ZBED4: variants seen among roughly 807,000 people sequenced by gnomAD.
The protein encoded by ZBED4 is zinc finger BED domain-containing protein 4.
ZBED4 carries 4 observed loss-of-function variants against 15.5 expected under a neutral mutation model. That is an observed-to-expected ratio of 0.26 (90% confidence interval 0.13 to 0.59). The LOEUF (loss-of-function observed/expected upper bound fraction) is 0.59, where lower values mean the gene tolerates loss of function less well. Among genes scored for constraint, ZBED4 ranks in the 20% least tolerant of loss-of-function variants. The pLI, the probability that ZBED4 is intolerant of heterozygous loss-of-function variation, is 0.90. For missense variants in ZBED4, 1,323 were observed against 1,461.8 expected, an observed-to-expected ratio of 0.91 and a Z score of 1.55; for synonymous variants, 692 against 608.5, an observed-to-expected ratio of 1.14 and a Z score of -2.02.
intron 1 of ZBED4, among the ~76,000 whole-genome samples, chr22:49,873,426 G>C (rs1367806132): frequency 6.6e-6 from 1 of 152,198 alleles, no homozygotes; most frequent in Non-Finnish European, 1.5e-5. Context: ...TTCACTGTCT[G>C]ACATGGGTGT....
intron 1 of ZBED4, among the ~76,000 whole-genome samples, chr22:49,877,830 G>C (rs148702304): frequency 2.0e-5 from 3 of 152,078 alleles, no homozygotes; most frequent in Non-Finnish European, 4.4e-5. Flanking sequence ...CCTCCCGCCA[G>C]CACAGACCTG....
In ZBED4 at chr22:49,888,198, G is replaced by C. The variant is rs949920938; in HGVS notation, c.*1020G>C. ...TTTCAAATCCCAAGGACATCAGAGT[G>C]AAGTGTCAGTTGTCAGATGATTTTA... On this transcript the variant is annotated 3_prime_UTR_variant, in exon 2 of 2. Coordinates refer to ENST00000216268, the MANE Select transcript of ZBED4 (RefSeq NM_014838.3). The C allele has an allele frequency of 6.0e-6, 1 of 167,172 alleles. No homozygotes were observed. Among genetic ancestry groups the C allele is most frequent in the African/African-American group, 2.4e-5 (1 of 41,454 alleles). 10.4% of individuals were successfully genotyped at this position (167,172 alleles called of 1,614,324 possible). A position where few individuals can be genotyped will look rare whatever the true frequency, so the allele number is the denominator to read the frequency against.
At chr22:49,861,959 CCT>C (rs1167916711) in intron 1 of ZBED4, among the ~76,000 whole-genome samples, 1 of 152,098 alleles carries the variant, frequency 6.6e-6, no homozygotes, top group Non-Finnish European at 1.5e-5. Flanking sequence ...CCCGCACAGG[CCT>C]GCACCCTGTC....
At chr22:49,867,861 C>T (rs755001636) in intron 1 of ZBED4, among the ~76,000 whole-genome samples, 1 of 152,242 alleles carries the variant, frequency 6.6e-6, no homozygotes. Flanking sequence ...AGTCCAGCCC[C>T]CCTCAAATGT....
intron 1 of ZBED4, among the ~76,000 whole-genome samples, chr22:49,864,950 C>CCGCCG (rs1555922816): frequency 1.3e-5 from 1 of 74,736 alleles, no homozygotes; most frequent in African/African-American, 1.7e-4. Context: ...CCCCCCCCCC[C>CCGCCG]CCGTGAAGTC....
At chr22:49,882,309 T>C (rs1393517207) in intron 1 of ZBED4, among the ~76,000 whole-genome samples, 1 of 152,202 alleles carries the variant, frequency 6.6e-6, no homozygotes, top group African/African-American at 2.4e-5. Context: ...TCCAGCACTT[T>C]GGGAGGCTGA....
chr22:49,856,422 C>T (rs1179564265), intron 1 of ZBED4, among the ~76,000 whole-genome samples: 1 of 152,212 alleles, frequency 6.6e-6, no homozygotes, highest in Admixed American at 6.5e-5. Flanking sequence ...CTCCGGAGAC[C>T]TCATAGGGAG....
In ZBED4 at chr22:49,886,402, G is replaced by A. The variant is rs55681922; in HGVS notation, c.2740G>A (p.Val914Ile). The A allele has an allele frequency of 1.0e-4, 160 of 1,605,506 alleles. No homozygotes were observed. Among genetic ancestry groups the A allele is most frequent in the Admixed American group, 3.7e-4 (22 of 59,406 alleles). The change falls in exon 2 of 2, where the codon GTC (valine) becomes ATC (isoleucine). Residue 914 changes from valine (V) to isoleucine (I), a missense_variant. Physicochemically the swap from Val to Ile is conservative, Grantham distance 29. Transcript: ENST00000216268. This position sits in a 1 kb window ranked among gnomAD's most constrained non-coding sequence, Gnocchi z 7.7. ...EQKRAINEMSVECNFRELISC... is the reference protein window; with the variant it reads ...EQKRAINEMSIECNFRELISC... ...GAAAAGGGCCATTAACGAGATGTCCGTCGAGTGTAACTTCCGAGAGCTGAT... is the reference window on the plus strand; with the variant it reads ...GAAAAGGGCCATTAACGAGATGTCCATCGAGTGTAACTTCCGAGAGCTGAT...
At chr22:49,880,991 A>T (rs1601799749) in intron 1 of ZBED4, among the ~76,000 whole-genome samples, 1 of 152,308 alleles carries the variant, frequency 6.6e-6, no homozygotes, top group East Asian at 1.9e-4. Flanking sequence ...TATTTTAAAA[A>T]TTTTATCTTA....
At chr22:49,853,255 C>T (rs530399419), upstream of ZBED4, 1 of 152,782 alleles carries the variant, frequency 6.5e-6, no homozygotes, top group Non-Finnish European at 1.5e-5. Context: ...CGGCCCCGCG[C>T]TCGCCCAGAG....
At chr22:49,855,836 C>T (rs562154002) in intron 1 of ZBED4, among the ~76,000 whole-genome samples, 2 of 152,296 alleles carry the variant, frequency 1.3e-5, no homozygotes, top group South Asian at 4.1e-4. Context: ...CCCTTCCTTA[C>T]CAACGTTGTT....
chr22:49,859,614 G>A (rs2060288677), intron 1 of ZBED4, among the ~76,000 whole-genome samples: 1 of 152,218 alleles, frequency 6.6e-6, no homozygotes, highest in South Asian at 2.1e-4. Context: ...TAGTCATTGT[G>A]CTTGTCTGTT....
rs750048993 is a variant in ZBED4 at position 49,885,386 on chromosome 22, C to T, written c.1724C>T (p.Thr575Ile). ...NHFSICSADS[T>I]KVVCLHCGRT... Reference sequence around the variant, plus strand: ...TTTTCTATTTGCTCCGCAGACTCCACAAAAGTCGTGTGCTTGCACTGTGGC... The same window carrying T: ...TTTTCTATTTGCTCCGCAGACTCCATAAAAGTCGTGTGCTTGCACTGTGGC... Residue 575 changes from threonine to isoleucine, a missense_variant, in exon 2 of 2, where the codon ACA becomes ATA. Transcript: ENST00000216268. 13 of 1,596,396 alleles carry T rather than the reference C, an allele frequency of 8.1e-6. No homozygotes were observed. Among genetic ancestry groups the T allele is most frequent in the Non-Finnish European group, 8.6e-6 (10 of 1,167,714 alleles).
At position 49,887,245 on chromosome 22, in the gene ZBED4, A is replaced by G. The variant is rs931867992; in HGVS notation, c.*67A>G. Reference sequence around the variant, plus strand: ...AGCGTTAGCAGCCTGTACCAGGTCTATGACCCGCTCTGCCCACGGCTGTGT... The same window carrying G: ...AGCGTTAGCAGCCTGTACCAGGTCTGTGACCCGCTCTGCCCACGGCTGTGT... On this transcript the variant is annotated 3_prime_UTR_variant, in exon 2 of 2. Transcript: ENST00000216268. The G allele has an allele frequency of 4.6e-5, 70 of 1,513,304 alleles. No individual in the cohort carries two copies. The highest frequency in any genetic ancestry group is 3.0e-4 in the South Asian group (24 of 79,194). 93.7% of individuals were successfully genotyped at this position (1,513,304 alleles called of 1,614,324 possible). A position where few individuals can be genotyped will look rare whatever the true frequency, so the allele number is the denominator to read the frequency against.
chr22:49,884,160 G>A lies in ZBED4; in HGVS notation c.498G>A (p.Pro166=), dbSNP rs141158718. ...CLMRHVRRAH[P]TVLIQENGSV... is the part of the protein sequence containing the mutation. ...TGAGGCACGTGAGGCGCGCACACCC[G>A]ACCGTGCTCATTCAGGAAAATGGCA... Residue 166 remains proline (P), a synonymous_variant, in exon 2 of 2, where the codon CCG becomes CCA. Transcript: ENST00000216268. 6.8e-5 allele frequency: 110 copies of A among 1,612,898 alleles called. No homozygotes were observed. The highest frequency in any genetic ancestry group is 3.3e-4 in the Middle Eastern group (2 of 6,072).
chr22:49,879,079 A>AGGTTGCAG (rs1044664227), intron 1 of ZBED4, among the ~76,000 whole-genome samples: 8 of 146,338 alleles, frequency 5.5e-5, no homozygotes, highest in South Asian at 2.4e-4. Context: ...GGGGAGGTGG[A>AGGTTGCAG]GGTTGCAGTG....
At chr22:49,860,531 T>C (rs757514458) in intron 1 of ZBED4, among the ~76,000 whole-genome samples, 55 of 152,194 alleles carry the variant, frequency 3.6e-4, no homozygotes, top group Admixed American at 7.9e-4. Context: ...TCTTCCACTT[T>C]GGATGAATAA....
At position 49,889,860 on chromosome 22, in the gene ZBED4, C is replaced by T. The variant is rs1299320334; in HGVS notation, c.*2682C>T. 2 of 167,064 alleles carry T rather than the reference C, an allele frequency of 1.2e-5. No homozygotes were observed. Among genetic ancestry groups the T allele is most frequent in the Non-Finnish European group, 2.9e-5 (2 of 68,108 alleles). The allele number at this position is 167,064 out of a possible 1,614,324, so 10.3% of individuals were successfully genotyped here. On this transcript the variant is annotated 3_prime_UTR_variant, in exon 2 of 2. Transcript: ENST00000216268. ...CTTGCCTCTCCGTTCAGAACCCCAG[C>T]TGCGAGCTGTTTGTTTCCCTGCCTG...
rs2060431426 is a variant in ZBED4 at position 49,885,209 on chromosome 22, T to C, written c.1547T>C (p.Leu516Pro). 1.2e-6 allele frequency: 2 copies of C among 1,613,730 alleles called. No homozygotes were observed. Among genetic ancestry groups the C allele is most frequent in the Non-Finnish European group, 1.7e-6 (2 of 1,179,872 alleles). ...PEVVGSQKGF[L>P]GASLANSPYA... ...GTTGTCGGGAGCCAGAAGGGCTTCC[T>C]GGGTGCAAGTCTGGCAAACTCTCCG... Residue 516 changes from leucine to proline, a missense_variant, in exon 2 of 2, where the codon CTG becomes CCG. This residue lies in a region of ZBED4 where 429 missense variants were observed against 397.9 expected (regional missense o/e 1.08). Transcript: ENST00000216268.
Sources: gnomAD v4.1 joint callset for allele counts (sites outside exome capture counted in the v4.1 genomes callset) on GRCh38, gnomAD v4.1.1 for gene constraint, gnomAD v4.1.1 regional missense constraint, Gnocchi (gnomAD v3.1) non-coding constraint, MANE v1.5 for transcripts, NCBI Gene and HGNC (gene_info 2026-07-23, HGNC 2026-07-21) for gene names.